The following ZNF394 variants were observed in gnomAD, a reference collection of about 807,000 sequenced individuals.
ZNF394 encodes the protein zinc finger protein 99.
Under a neutral mutation model 21.8 loss-of-function variants are expected in ZNF394, and 19 were observed. That is an observed-to-expected ratio of 0.87 (90% CI 0.61 to 1.28). The LOEUF (loss-of-function observed/expected upper bound fraction) is 1.28. Ranked by LOEUF, ZNF394 falls within the 50% of genes most tolerant of loss-of-function variation. The pLI, the probability that ZNF394 is intolerant of heterozygous loss-of-function variation, is 0.00. For synonymous variants in ZNF394, 294 were observed against 273.3 expected (o/e 1.08, Z -0.75); for missense variants, 683 against 708.6 (o/e 0.96, Z 0.41).
rs1320773645 is a variant in ZNF394, at chr7:99,499,721, G to C, written c.373C>G (p.Arg125Gly). The C allele has an allele frequency of 6.2e-7, 1 of 1,613,824 alleles. No individual in the cohort carries two copies. The highest frequency in any genetic ancestry group is 1.1e-5 in the South Asian group (1 of 91,076). Residue 125 changes from arginine to glycine, a missense_variant, in exon 1 of 3, where the codon CGA becomes GGA. Physicochemically the swap from Arg to Gly is moderately radical, Grantham distance 125 (BLOSUM62 -2). Transcript: ENST00000337673. ...ILPEELQAWV[R>G]EHCPESGEEA... ...TCCCCGCTCTCTGGGCAGTGCTCTC[G>C]CACCCAGGCTTGAAGCTCCTCGGGC...
chr7:99,496,787 G>T (rs1471765790), intron 2 of ZNF394, among the ~76,000 whole-genome samples: 1 of 151,240 alleles, frequency 6.6e-6, no homozygotes, highest in Non-Finnish European at 1.5e-5. Context: ...GCCCAGGCTG[G>T]TCTTGAGCTC....
chr7:99,498,529 TA>T, intron 2 of ZNF394, 186 bp downstream of exon 2: 1 of 699,676 alleles, frequency 1.4e-6, no homozygotes, highest in Non-Finnish European at 2.2e-6. Context: ...TATAAAACAT[TA>T]AAAATGAACC....
chr7:99,488,663 C>G (rs1800086305), downstream of ZNF394, among the ~76,000 whole-genome samples: 1 of 151,570 alleles, frequency 6.6e-6, no homozygotes, highest in South Asian at 2.1e-4. Flanking sequence ...GGCATGGTGG[C>G]TCACACCTGT....
Position 99,500,177 on chromosome 7 carries a change from C to T in ZNF394, c.-84G>A, listed in dbSNP as rs993524865. ...ACCCAAGGAACTCATCAGCCGTCAA[C>T]ACCCTCCGGTCCCAAACACCGGGCC... On this transcript the variant is annotated 5_prime_UTR_variant, in exon 1 of 3. Transcript: ENST00000337673. 2.7e-5 allele frequency: 37 copies of T among 1,390,866 alleles called. 1 individual carries two copies. The African/African-American group carries it at 4.6e-4, about 17-fold the overall frequency. The allele number at this position is 1,390,866 out of a possible 1,614,324, so 86.2% of individuals were successfully genotyped here.
intron 2 of ZNF394, among the ~76,000 whole-genome samples, chr7:99,496,205 G>C (rs529236199): frequency 5.3e-5 from 8 of 151,428 alleles, no homozygotes; most frequent in Non-Finnish European, 1.2e-4. Flanking sequence ...TTTAGTAGAC[G>C]GGGTTTTACC....
intron 1 of ZNF394, chr7:99,487,177 G>A (rs747912163): frequency 1.2e-6 from 2 of 1,614,092 alleles, no homozygotes; most frequent in African/African-American, 1.3e-5. Context: ...AAAAGCCTTT[G>A]GCCGGCATTC....
chr7:99,497,952 A>C (rs550625581), intron 2 of ZNF394: 1 of 123,492 alleles, frequency 8.1e-6, no homozygotes, highest in African/African-American at 5.8e-5. Context: ...CTGTCTTAAA[A>C]TATCTGATTG....
At chr7:99,490,131 A>G (rs1800129765), downstream of ZNF394, among the ~76,000 whole-genome samples, 1 of 147,830 alleles carries the variant, frequency 6.8e-6, no homozygotes, top group Non-Finnish European at 1.5e-5. Flanking sequence ...CCTGGCCAAC[A>G]TGGCAAAACC....
intron 1 of ZNF394, chr7:99,487,341 GT>G (rs1562889772): frequency 8.1e-6 from 13 of 1,614,082 alleles, no homozygotes; most frequent in Non-Finnish European, 6.8e-6. Flanking sequence ...GTGGGAAAAC[GT>G]TTAGTTTTAA....
At position 99,494,185 on chromosome 7, in the gene ZNF394, TG is replaced by T; in HGVS notation, c.1029del (p.Ser344AlafsTer58). On this transcript the variant is annotated frameshift_variant, in exon 3 of 3. Coordinates refer to ENST00000337673, the MANE Select transcript of ZNF394 (RefSeq NM_032164.4). LOFTEE classifies it low-confidence loss of function (END_TRUNC). ...KSDSGDSFHH[S>X]SLFETQRQLH... The stretch of plus-strand genomic sequence containing the variant: ...AGCTGCCTCTGGGTCTCAAAAAGGC[TG>T]GAATGATGGAAACTGTCTCCACTGT... 1 of 1,614,252 alleles carries T rather than the reference TG, an allele frequency of 6.2e-7. No homozygotes were observed. The highest frequency in any genetic ancestry group is 8.5e-7 in the Non-Finnish European group (1 of 1,180,052).
rs184155420 is a variant in ZNF394, at chr7:99,498,906, G to A, written c.457-64C>T. 96 of 1,542,320 alleles carry A rather than the reference G, an allele frequency of 6.2e-5. No individual in the cohort carries two copies. The East Asian group carries it at 2.1e-3, about 33-fold the overall frequency. On this transcript the variant is annotated intron_variant, in intron 1 of 2. Coordinates refer to ENST00000337673, the MANE Select transcript of ZNF394 (RefSeq NM_032164.4). ...CCTGTACAGCACTAACACTCTTCTT[G>A]AGTCTTGTACCGACAAGGGAGTTTG...
downstream of ZNF394, among the ~76,000 whole-genome samples, chr7:99,490,836 G>A (rs888704713): frequency 4.6e-5 from 7 of 151,860 alleles, no homozygotes; most frequent in Non-Finnish European, 8.8e-5. Flanking sequence ...CATCCAAAGC[G>A]CAGCCATCCT....
downstream of ZNF394, among the ~76,000 whole-genome samples, chr7:99,492,075 GAAAAAA>G: frequency 2.1e-5 from 1 of 47,662 alleles, no homozygotes; most frequent in Admixed American, 2.2e-4. Context: ...TCCGTCTCAA[GAAAAAA>G]AAAAAAAAAA....
rs368071333 is a variant in ZNF394 at position 99,499,606 on chromosome 7, C to A, written c.456+32G>T. The A allele has an allele frequency of 2.6e-6, 4 of 1,530,604 alleles. No individual in the cohort carries two copies. In the East Asian group the frequency reaches 9.0e-5, roughly 34 times the overall value. The allele number at this position is 1,530,604 out of a possible 1,614,324, so 94.8% of individuals were successfully genotyped here. ...CCCCTAAACGCCTATTTTCCACACT[C>A]CCACCTCCAGAACAGGCCTTTCGCT... On this transcript the variant is annotated intron_variant, in intron 1 of 2. Coordinates refer to ENST00000337673, the MANE Select transcript of ZNF394 (RefSeq NM_032164.4).
rs1181470936 is a variant in ZNF394, at chr7:99,499,885, A to T, written c.209T>A (p.Leu70Gln). ...PETSRLHFRQ[L>Q]RYQEVAGPEE... Reference sequence around the variant, plus strand: ...CGGTCCAGCCACCTCCTGGTAACGCAGCTGCCTAAAGTGCAGTCGAGAAGT... The same window carrying T: ...CGGTCCAGCCACCTCCTGGTAACGCTGCTGCCTAAAGTGCAGTCGAGAAGT... The change falls in exon 1 of 3, where the codon CTG becomes CAG. Residue 70 changes from leucine (L) to glutamine (Q), a missense_variant. Physicochemically the swap from Leu to Gln is moderately radical, Grantham distance 113. Around this residue, in one of 3 missense-constraint regions of ZNF394, gnomAD observed 402 missense variants for 373.8 expected, o/e 1.08. Transcript: ENST00000337673. 1 of 1,614,164 alleles carries T rather than the reference A, an allele frequency of 6.2e-7. No homozygotes were observed. Among genetic ancestry groups the T allele is most frequent in the South Asian group, 1.1e-5 (1 of 91,088 alleles).
At chr7:99,488,652 G>A (rs545747249), downstream of ZNF394, among the ~76,000 whole-genome samples, 6 of 151,296 alleles carry the variant, frequency 4.0e-5, no homozygotes, top group Non-Finnish European at 8.9e-5. Flanking sequence ...TAATCAGGCC[G>A]GGCATGGTGG....
At chr7:99,498,420 T>C (rs977623704) in intron 2 of ZNF394, 11 of 286,186 alleles carry the variant, frequency 3.8e-5, no homozygotes, top group South Asian at 2.1e-4. Flanking sequence ...TGTAACATAC[T>C]ATTTCCTTGG....
At position 99,500,004 on chromosome 7, in the gene ZNF394, C is replaced by G. The variant is rs769530636; in HGVS notation, c.90G>C (p.Pro30=). 6.2e-7 allele frequency: 1 copy of G among 1,610,516 alleles called. No individual in the cohort carries two copies. The highest frequency in any genetic ancestry group is 8.5e-7 in the Non-Finnish European group (1 of 1,179,666). ...CGGGCAAAAGTCCGTCGCGTTGGGA[C>G]GGCGCCGCGTCCTTGGACCTCGCAG... ...VMAARSKDAA[P]SQRDGLLPVK... Residue 30 remains proline (P), a synonymous_variant, in exon 1 of 3, where the codon CCG becomes CCC. Coordinates refer to ENST00000337673, the MANE Select transcript of ZNF394 (RefSeq NM_032164.4).
Position 99,499,946 on chromosome 7 carries a change from C to G in ZNF394, c.148G>C (p.Glu50Gln). The change falls in exon 1 of 3, where the codon GAG becomes CAG. Residue 50 changes from glutamate (E) to glutamine (Q), a missense_variant. Coordinates refer to ENST00000337673, the MANE Select transcript of ZNF394 (RefSeq NM_032164.4). ...KVEEDSPGSW[E>Q]PNYPAASPDP... is the part of the protein sequence containing the mutation. ...GGCGAAGCCGCGGGATAGTTGGGCT[C>G]CCAACTTCCGGGTGAGTCTTCCTCC... 6.2e-7 allele frequency: 1 copy of G among 1,613,976 alleles called. No individual in the cohort carries two copies. Among genetic ancestry groups the G allele is most frequent in the Non-Finnish European group, 8.5e-7 (1 of 1,180,038 alleles).
Sources: gnomAD v4.1 joint callset for allele counts (sites outside exome capture counted in the v4.1 genomes callset) on GRCh38, gnomAD v4.1.1 for gene constraint, gnomAD v4.1.1 regional missense constraint, MANE v1.5 for transcripts, NCBI Gene and HGNC (gene_info 2026-07-23, HGNC 2026-07-21) for gene names.